CTTNBP2: variants seen among roughly 807,000 people sequenced by gnomAD.
CTTNBP2 encodes cortactin binding protein 2.
CTTNBP2 carries 108 observed loss-of-function variants against 156.9 expected under a neutral mutation model. The observed-to-expected ratio is 0.69, with a 90% CI of 0.59 to 0.81. The LOEUF is 0.81. Among genes scored for constraint, CTTNBP2 ranks in the 30% least tolerant of loss-of-function variants. CTTNBP2 has a pLI of 0.00. For synonymous variants in CTTNBP2, 767 were observed against 751.8 expected (o/e 1.02, Z -0.33); for missense variants, 1,924 against 2,035.4 (o/e 0.95, Z 1.05).
chr7:117,826,007 T>C (rs1801252670), intron 2 of CTTNBP2, among the ~76,000 whole-genome samples: 1 of 152,210 alleles, frequency 6.6e-6, no homozygotes, highest in African/African-American at 2.4e-5. Context: ...GTATCTAGCA[T>C]GCTGGGTGAC....
intron 9 of CTTNBP2, among the ~76,000 whole-genome samples, chr7:117,761,689 A>G (rs1797225598): frequency 1.3e-5 from 2 of 152,228 alleles, no homozygotes; most frequent in African/African-American, 4.8e-5. Flanking sequence ...TATTACCTTT[A>G]GTTTGCTTCA....
Position 117,724,614 on chromosome 7 carries a change from G to A in CTTNBP2, c.4380C>T (p.Thr1460=). The change falls in exon 19 of 23, where the codon ACC becomes ACT. Residue 1460 remains threonine, a synonymous_variant. Transcript: ENST00000160373. ...GESGAWRKVN[T]SPRRKSGRFS... ...AGCGGCCAGACTTCCTGCGAGGACTGGTGTTCACCTTTCTCCAGGCACCAC... is the reference window on the plus strand; with the variant it reads ...AGCGGCCAGACTTCCTGCGAGGACTAGTGTTCACCTTTCTCCAGGCACCAC... 6.2e-7 allele frequency: 1 copy of A among 1,614,088 alleles called. No homozygotes were observed. Among genetic ancestry groups the A allele is most frequent in the Non-Finnish European group, 8.5e-7 (1 of 1,180,014 alleles).
rs1563077529 is a variant in CTTNBP2 at position 117,864,679 on chromosome 7, T to TATATATATTCATATATATTCATATATTC, written c.82-3391_82-3364dup. On this transcript the variant is annotated intron_variant, in intron 1 of 22. Coordinates refer to ENST00000160373, the MANE Select transcript of CTTNBP2 (RefSeq NM_033427.3). ...ATGTATGAATATATATTCATATATT[T>TATATATATTCATATATATTCATATATTC]ATATATATTCATATATATTCATATA... Among the ~76,000 whole-genome samples, 44 of 145,764 alleles carry TATATATATTCATATATATTCATATATTC rather than the reference T, an allele frequency of 3.0e-4. 1 individual carries two copies. Among genetic ancestry groups the TATATATATTCATATATATTCATATATTC allele is most frequent in the African/African-American group, 7.7e-4 (31 of 40,140 alleles).
intron 2 of CTTNBP2, among the ~76,000 whole-genome samples, chr7:117,847,819 C>CTTTTTTTTTTTTTT (rs201419286): frequency 9.9e-5 from 9 of 91,366 alleles, no homozygotes; most frequent in African/African-American, 3.8e-4. Flanking sequence ...TTTGCCTAAC[C>CTTTTTTTTTTTTTT]TTTTTTTTTT....
chr7:117,844,622 G>C (rs1259163006), intron 2 of CTTNBP2, among the ~76,000 whole-genome samples: 1 of 152,156 alleles, frequency 6.6e-6, no homozygotes, highest in Non-Finnish European at 1.5e-5. Flanking sequence ...GCTGCAATAG[G>C]GCAAAAGGAA....
intron 2 of CTTNBP2, among the ~76,000 whole-genome samples, chr7:117,858,734 T>C (rs761051543): frequency 7.2e-5 from 11 of 152,250 alleles, no homozygotes; most frequent in Non-Finnish European, 1.5e-4. Flanking sequence ...TGGAACCTTC[T>C]ATATGACCAG....
At chr7:117,738,574 G>T (rs969516575) in intron 14 of CTTNBP2, among the ~76,000 whole-genome samples, 1 of 152,142 alleles carries the variant, frequency 6.6e-6, no homozygotes, top group African/African-American at 2.4e-5. Flanking sequence ...ATTGAAAGAG[G>T]GGCAGAGAGG....
chr7:117,764,786 C>G (rs1797388172), intron 9 of CTTNBP2, among the ~76,000 whole-genome samples: 1 of 152,174 alleles, frequency 6.6e-6, no homozygotes, highest in Admixed American at 6.5e-5. Flanking sequence ...ACACACAATG[C>G]TGCAACACAC....
At chr7:117,795,588 C>G (rs1288941685) in intron 3 of CTTNBP2, among the ~76,000 whole-genome samples, 1 of 152,192 alleles carries the variant, frequency 6.6e-6, no homozygotes, top group African/African-American at 2.4e-5. Context: ...CTACCTGTCT[C>G]AGGTTTTTCT....
chr7:117,780,421 A>G lies in CTTNBP2; in HGVS notation c.2523+20T>C, dbSNP rs562528440. 8 of 1,484,646 alleles carry G rather than the reference A, an allele frequency of 5.4e-6. No homozygotes were observed. The East Asian group carries it at 7.5e-5, about 14-fold the overall frequency. 92.0% of individuals were successfully genotyped at this position (1,484,646 alleles called of 1,614,324 possible). ...TTGCAAATTATATATACAGGGGGAA[A>G]AAAACAGACTGCTACTCACTGTGGT... On this transcript the variant is annotated intron_variant, in intron 7 of 22. Coordinates refer to ENST00000160373, the MANE Select transcript of CTTNBP2 (RefSeq NM_033427.3).
chr7:117,745,190 T>A (rs1380881873), intron 14 of CTTNBP2, among the ~76,000 whole-genome samples: 1 of 152,188 alleles, frequency 6.6e-6, no homozygotes, highest in Non-Finnish European at 1.5e-5. Flanking sequence ...TTAATAAACA[T>A]ATTTAATCCC....
In CTTNBP2 at chr7:117,710,770, C is replaced by T. The variant is rs548105937; in HGVS notation, c.*767G>A. The T allele has an allele frequency of 1.6e-4, 23 of 141,734 alleles. 1 individual carries two copies. In the East Asian group the frequency reaches 3.7e-3, roughly 23 times the overall value. The allele number at this position is 141,734 out of a possible 1,614,324, so 8.8% of individuals were successfully genotyped here. ...AATATCAATATTATCAGTTGTGCTACTAGAAATATTGAAGGAGTTAATTCT... is the reference window on the plus strand; with the variant it reads ...AATATCAATATTATCAGTTGTGCTATTAGAAATATTGAAGGAGTTAATTCT... On this transcript the variant is annotated 3_prime_UTR_variant, in exon 23 of 23. Transcript: ENST00000160373.
chr7:117,755,934 G>A (rs922936566), intron 12 of CTTNBP2, among the ~76,000 whole-genome samples: 9 of 152,110 alleles, frequency 5.9e-5, no homozygotes, highest in Non-Finnish European at 1.2e-4. Context: ...TTTCCAGCTA[G>A]GAAGTGAGAG....
intron 2 of CTTNBP2, among the ~76,000 whole-genome samples, chr7:117,847,151 G>A (rs1395400064): frequency 3.3e-5 from 5 of 151,820 alleles, no homozygotes; most frequent in African/African-American, 1.2e-4. Flanking sequence ...ATCATTTCAG[G>A]GGCATCCAGA....
chr7:117,716,559 G>A (rs1794390705), intron 22 of CTTNBP2, among the ~76,000 whole-genome samples: 1 of 152,066 alleles, frequency 6.6e-6, no homozygotes, highest in African/African-American at 2.4e-5. Context: ...GCAAAGGGAT[G>A]GGCCCTAGAC....
chr7:117,736,945 A>G (rs1448661731), intron 14 of CTTNBP2, among the ~76,000 whole-genome samples: 2 of 152,192 alleles, frequency 1.3e-5, no homozygotes, highest in Non-Finnish European at 2.9e-5. Context: ...TATATTCTCA[A>G]TTCCTTCTTG....
intron 2 of CTTNBP2, among the ~76,000 whole-genome samples, chr7:117,838,642 A>T (rs146737147): frequency 1.1e-3 from 162 of 152,300 alleles, no homozygotes; most frequent in African/African-American, 3.6e-3. Flanking sequence ...TATTTAACAA[A>T]TGATCCAGCT....
At chr7:117,756,879 C>T (rs1490679354) in intron 11 of CTTNBP2, among the ~76,000 whole-genome samples, 1 of 152,208 alleles carries the variant, frequency 6.6e-6, no homozygotes, top group African/African-American at 2.4e-5. Flanking sequence ...CCTCCACCCC[C>T]TGGGATGCCC....
intron 12 of CTTNBP2, among the ~76,000 whole-genome samples, chr7:117,747,530 T>C (rs1796399100): frequency 6.6e-6 from 1 of 152,208 alleles, no homozygotes. Flanking sequence ...CCCAGCACTT[T>C]GGGAGGCCAA....
Sources: allele counts gnomAD v4.1 joint callset (sites outside exome capture counted in the v4.1 genomes callset), GRCh38; gene constraint gnomAD v4.1.1; transcripts MANE v1.5; gene names NCBI Gene and HGNC (gene_info 2026-07-23, HGNC 2026-07-21).